Variants in TMEM80 observed in about 807,000 individuals in gnomAD.
TMEM80 encodes the protein transmembrane protein 80.
In TMEM80, 16 loss-of-function variants were observed where a neutral mutation model predicts 13.6. The ratio of observed to expected loss-of-function variants is 1.17; its 90% CI spans 0.79 to 1.78. TMEM80 has a LOEUF of 1.78. Among genes scored for constraint, TMEM80 ranks in the 40% most tolerant of loss-of-function variants. The pLI, the probability that TMEM80 is intolerant of heterozygous loss-of-function variation, is 0.00. For synonymous variants in TMEM80, 92 were observed against 89.5 expected (o/e 1.03, Z -0.16); for missense variants, 167 against 184.6 (o/e 0.90, Z 0.55).
chr11:695,963 C>G, intron 1 of TMEM80, 117 bp downstream of exon 1: 1 of 822,764 alleles, frequency 1.2e-6, no homozygotes, highest in East Asian at 3.4e-5. Flanking sequence ...ACCGTCTCTA[C>G]GTGAGCGAGA....
chr11:702,420 C>T (rs757649471), intron 4 of TMEM80, among the ~76,000 whole-genome samples: 6 of 152,194 alleles, frequency 3.9e-5, no homozygotes, highest in Non-Finnish European at 5.9e-5. Context: ...GCTAGGCCAA[C>T]GGGACCCTCC....
At chr11:704,528 C>G (rs1374346481), downstream of TMEM80, 7 of 1,289,474 alleles carry the variant, frequency 5.4e-6, no homozygotes, top group Admixed American at 1.1e-4. Flanking sequence ...TCACCAGCGC[C>G]TGCACTCGCA....
intron 1 of TMEM80, among the ~76,000 whole-genome samples, chr11:696,169 A>G (rs1383416148): frequency 1.3e-5 from 2 of 152,088 alleles, no homozygotes; most frequent in East Asian, 1.9e-4. Context: ...GGATGGGCGC[A>G]GGGTTTCGGT....
Position 704,025 on chromosome 11 carries a change from G to T in TMEM80, c.*875G>T. ...TGTTACAGTAGCTTTCCCTTCACTTGATTCTATTGTGTGTTTTCTATGTTT... is the reference window on the plus strand; with the variant it reads ...TGTTACAGTAGCTTTCCCTTCACTTTATTCTATTGTGTGTTTTCTATGTTT... On this transcript the variant is annotated 3_prime_UTR_variant, in exon 5 of 5. Transcript: ENST00000397510. 1 of 1,190,898 alleles carries T rather than the reference G, an allele frequency of 8.4e-7. No individual in the cohort carries two copies. Among genetic ancestry groups the T allele is most frequent in the Non-Finnish European group, 1.0e-6 (1 of 960,702 alleles). 73.8% of individuals were successfully genotyped at this position (1,190,898 alleles called of 1,614,324 possible). A position where few individuals can be genotyped will look rare whatever the true frequency, so the allele number is the denominator to read the frequency against.
intron 4 of TMEM80, among the ~76,000 whole-genome samples, chr11:701,565 C>T (rs1413205436): frequency 6.6e-6 from 1 of 152,072 alleles, no homozygotes. Flanking sequence ...TGCCCGCCAC[C>T]ACGCCCGGCT....
chr11:703,134 C>G lies in TMEM80; in HGVS notation c.416C>G (p.Ala139Gly), dbSNP rs145834998. 19 of 1,607,984 alleles carry G rather than the reference C, an allele frequency of 1.2e-5. No individual in the cohort carries two copies. The highest frequency in any genetic ancestry group is 1.5e-5 in the Non-Finnish European group (18 of 1,176,552). The stretch of plus-strand genomic sequence containing the variant: ...GCCGTCCTGCAGGTGGTTGCCATCG[C>G]GGCCTTCACCAGGTAGCTACGGACA... ...LEAVLQVVAI[A>G]AFTR The change falls in exon 5 of 5, where the codon GCG becomes GGG. Residue 139 changes from alanine (A) to glycine (G), a missense_variant. Physicochemically the swap from Ala to Gly is moderately conservative, Grantham distance 60. Transcript: ENST00000397510.
chr11:695,935 C>G, intron 1 of TMEM80, 89 bp downstream of exon 1: 1 of 1,015,872 alleles, frequency 9.8e-7, no homozygotes, highest in Non-Finnish European at 1.3e-6. Flanking sequence ...GCTTTCGGTG[C>G]GCTCACGGGG....
chr11:698,300 C>T (rs1861290992), intron 1 of TMEM80, among the ~76,000 whole-genome samples: 1 of 151,894 alleles, frequency 6.6e-6, no homozygotes, highest in Admixed American at 6.6e-5. Flanking sequence ...CCTGTCATCT[C>T]TCAGGTGGGG....
chr11:699,262 A>C, intron 2 of TMEM80: 1 of 280,076 alleles, frequency 3.6e-6, no homozygotes, highest in Non-Finnish European at 6.9e-6. Context: ...CCTTCCTCTC[A>C]CCCAGGCTGG....
chr11:697,257 A>C (rs542288449), intron 1 of TMEM80, among the ~76,000 whole-genome samples: 1 of 152,076 alleles, frequency 6.6e-6, no homozygotes, highest in Non-Finnish European at 1.5e-5. Flanking sequence ...CTGTCTCTAA[A>C]AAAACTAAGT....
intron 4 of TMEM80, among the ~76,000 whole-genome samples, chr11:702,097 T>C (rs7108216): frequency 0.55 from 84,293 of 152,040 alleles, 24,001 homozygotes; most frequent in East Asian, 0.71. Flanking sequence ...CCCTGATGCC[T>C]GATGTCCAGT....
At chr11:696,144 G>A (rs539521964) in intron 1 of TMEM80, among the ~76,000 whole-genome samples, 2 of 152,322 alleles carry the variant, frequency 1.3e-5, no homozygotes, top group South Asian at 2.1e-4. Flanking sequence ...TGGTTTTTGT[G>A]AAGACACGTG....
chr11:699,203 G>GA, intron 2 of TMEM80: 1 of 446,142 alleles, frequency 2.2e-6, no homozygotes, highest in East Asian at 3.5e-5. Flanking sequence ...TTTGTCCCTA[G>GA]ATTCATTTTA....
chr11:695,855 G>C lies in TMEM80; in HGVS notation c.19+9G>C. 4.9e-6 allele frequency: 6 copies of C among 1,228,702 alleles called. No homozygotes were observed. The highest frequency in any genetic ancestry group is 6.1e-6 in the Non-Finnish European group (6 of 985,074). 76.1% of individuals were successfully genotyped at this position (1,228,702 alleles called of 1,614,324 possible). A position where few individuals can be genotyped will look rare whatever the true frequency, so the allele number is the denominator to read the frequency against. ...GGCGGCCCCGCGGCGAGGTGAGCTC[G>C]GGCGGGGTGGGGGCTTCCGGGCTTG... On this transcript the variant is annotated intron_variant, in intron 1 of 4. Coordinates refer to ENST00000397510, the MANE Select transcript of TMEM80 (RefSeq NM_001042463.3).
rs139696184 is a variant in TMEM80, at chr11:700,343, A to G, written c.133+108A>G. 3.0e-3 allele frequency: 3,077 copies of G among 1,030,032 alleles called. 71 individuals carry two copies. The African/African-American group carries it at 0.045, about 15-fold the overall frequency. The allele number at this position is 1,030,032 out of a possible 1,614,324, so 63.8% of individuals were successfully genotyped here. A position where few individuals can be genotyped will look rare whatever the true frequency, so the allele number is the denominator to read the frequency against. On this transcript the variant is annotated intron_variant, in intron 3 of 4. Coordinates refer to ENST00000397510, the MANE Select transcript of TMEM80 (RefSeq NM_001042463.3). ...GGAGTTTGAGACCAGCCAGGCCAACATGGGGAAACCCCATCTCTACTAAAA... is the reference window on the plus strand; with the variant it reads ...GGAGTTTGAGACCAGCCAGGCCAACGTGGGGAAACCCCATCTCTACTAAAA...
At chr11:700,526 CAA>C (rs34654075) in intron 3 of TMEM80, 87 bp from the exon 4 acceptor site, 5,570 of 882,666 alleles carry the variant, frequency 6.3e-3, no homozygotes, top group South Asian at 7.5e-3. Flanking sequence ...GACCCTGTCT[CAA>C]AAAAAAAAAA....
chr11:701,548 C>T (rs1202330646), intron 4 of TMEM80, among the ~76,000 whole-genome samples: 8 of 151,266 alleles, frequency 5.3e-5, no homozygotes, highest in East Asian at 1.9e-4. Flanking sequence ...GTAACTGGGA[C>T]TACAGGTGCC....
At position 703,786 on chromosome 11, in the gene TMEM80, A is replaced by G. The variant is rs1207747865; in HGVS notation, c.*636A>G. ...GCCTAGCAATTTCCATCTTAGCCAC[A>G]CTTCTCCCTTCAGGGGCTTCGGAGG... is the stretch of plus-strand genomic sequence containing the variant. On this transcript the variant is annotated 3_prime_UTR_variant, in exon 5 of 5. Transcript: ENST00000397510. 8.1e-7 allele frequency: 1 copy of G among 1,233,160 alleles called. No individual in the cohort carries two copies. Among genetic ancestry groups the G allele is most frequent in the Non-Finnish European group, 1.0e-6 (1 of 989,062 alleles). The allele number at this position is 1,233,160 out of a possible 1,614,324, so 76.4% of individuals were successfully genotyped here.
chr11:695,715 C>T, upstream of TMEM80: 3 of 1,241,072 alleles, frequency 2.4e-6, no homozygotes, highest in Non-Finnish European at 2.0e-6. Context: ...GCTCCCGAAA[C>T]GCGGCGCGGT....
Sources: gnomAD v4.1 joint callset for allele counts (sites outside exome capture counted in the v4.1 genomes callset) on GRCh38, gnomAD v4.1.1 for gene constraint, MANE v1.5 for transcripts, NCBI Gene and HGNC (gene_info 2026-07-23, HGNC 2026-07-21) for gene names.